INPP4B: variants seen among roughly 807,000 people sequenced by gnomAD.
The protein encoded by INPP4B is inositol polyphosphate 4-phosphatase type II.
INPP4B carries 55 observed loss-of-function variants against 122.5 expected under a neutral mutation model. The ratio of observed to expected loss-of-function variants is 0.45; its 90% CI spans 0.36 to 0.56. INPP4B has a LOEUF of 0.56. INPP4B is among the 20% of genes least tolerant of loss of function. The pLI, the probability that INPP4B is intolerant of heterozygous loss-of-function variation, is 0.00. For synonymous variants in INPP4B, 403 were observed against 388.7 expected (o/e 1.04, Z -0.43); for missense variants, 1,000 against 1,097.7 (o/e 0.91, Z 1.26).
chr4:142,493,119 C>T (rs566185524), intron 2 of INPP4B, among the ~76,000 whole-genome samples: 97 of 152,286 alleles, frequency 6.4e-4, no homozygotes, highest in African/African-American at 2.3e-3. Context: ...GGGTGTTGGA[C>T]CTGTGGGTGC....
chr4:142,806,786 GGAAAGAAAGAAAGAAA>G (rs60845921), intron 1 of INPP4B, among the ~76,000 whole-genome samples: 85 of 75,992 alleles, frequency 1.1e-3, no homozygotes, highest in Admixed American at 2.6e-3. Flanking sequence ...AAAGAAAGAA[GGAAAGAAAGAAAGAAA>G]GAAAGAAAGA....
intron 20 of INPP4B, 66 bp downstream of exon 20, chr4:142,123,199 TTTACTTATTTTTATGTTTTCTTGAAAA>T: frequency 1.9e-6 from 2 of 1,057,920 alleles, no homozygotes; most frequent in Non-Finnish European, 2.7e-6. Context: ...ACAATAAAGG[TTTACTTATTTTTATGTTTTCTTGAAAA>T]ATTTCTGGAT....
chr4:142,740,450 C>T (rs759436033), intron 1 of INPP4B, among the ~76,000 whole-genome samples: 3 of 151,894 alleles, frequency 2.0e-5, no homozygotes, highest in Non-Finnish European at 1.5e-5. Flanking sequence ...TTAAAAAGCA[C>T]TTTTGAATTT....
chr4:142,176,732 G>C (rs1452597488), intron 15 of INPP4B, among the ~76,000 whole-genome samples: 1 of 152,080 alleles, frequency 6.6e-6, no homozygotes, highest in Non-Finnish European at 1.5e-5. Flanking sequence ...TTCTGCTTTA[G>C]TATGCTGTAG....
intron 2 of INPP4B, among the ~76,000 whole-genome samples, chr4:142,471,177 C>T (rs1321564571): frequency 6.6e-6 from 1 of 152,062 alleles, no homozygotes; most frequent in African/African-American, 2.4e-5. Context: ...GGGAAAATGA[C>T]AATACTGGCT....
intron 2 of INPP4B, among the ~76,000 whole-genome samples, chr4:142,551,200 C>T (rs909860985): frequency 3.3e-5 from 5 of 152,304 alleles, no homozygotes; most frequent in South Asian, 2.1e-4. Flanking sequence ...CCTTGGACGA[C>T]GCCCTTGTCC....
intron 1 of INPP4B, among the ~76,000 whole-genome samples, chr4:142,803,186 A>G (rs1561086307): frequency 3.6e-5 from 5 of 139,558 alleles, no homozygotes; most frequent in Non-Finnish European, 4.6e-5. Flanking sequence ...AAAAAAAAAA[A>G]GAAAGAAAGA....
chr4:142,756,256 G>A (rs1299345246), intron 1 of INPP4B, among the ~76,000 whole-genome samples: 1 of 152,056 alleles, frequency 6.6e-6, no homozygotes. Context: ...AGCCTGAAAG[G>A]AATTGCTGAA....
At chr4:142,218,734 G>A (rs1848288477) in intron 12 of INPP4B, among the ~76,000 whole-genome samples, 1 of 151,956 alleles carries the variant, frequency 6.6e-6, no homozygotes, top group Admixed American at 6.6e-5. Context: ...GGTATGCATG[G>A]GTAGAAAGTT....
Position 142,082,126 on chromosome 4 carries a change from T to C in INPP4B, c.2547A>G (p.Thr849=), listed in dbSNP as rs776628568. The C allele has an allele frequency of 4.5e-6, 7 of 1,542,540 alleles. No individual in the cohort carries two copies. Among genetic ancestry groups the C allele is most frequent in the Non-Finnish European group, 6.2e-6 (7 of 1,127,574 alleles). ...FTCCKSAKDR[T]SMSVTLEQCS... is the part of the protein sequence containing the mutation. ...ATTGTTCAAGTGTCACTGACATCGA[T>C]GTCCTGTCTTTGGCACTTTTACAAC... Residue 849 remains threonine (T), a synonymous_variant, in exon 25 of 26, where the codon ACA becomes ACG. Transcript: ENST00000262992.
At chr4:142,675,069 G>C (rs188314809) in intron 2 of INPP4B, among the ~76,000 whole-genome samples, 351 of 152,114 alleles carry the variant, frequency 2.3e-3, no homozygotes, top group African/African-American at 7.8e-3. Context: ...AATCCAGGAG[G>C]TGGTTTTTTG....
chr4:142,413,095 C>A (rs777099585), intron 5 of INPP4B, among the ~76,000 whole-genome samples: 15 of 152,100 alleles, frequency 9.9e-5, no homozygotes, highest in Non-Finnish European at 2.1e-4. Context: ...TCGCTGCCAA[C>A]ATAAGAGATA....
intron 14 of INPP4B, among the ~76,000 whole-genome samples, chr4:142,198,437 T>C (rs1839281867): frequency 6.6e-6 from 1 of 151,972 alleles, no homozygotes; most frequent in South Asian, 2.1e-4. Context: ...TCTATTCTTG[T>C]TATAGTTTTC....
At chr4:142,064,653 T>C in intron 25 of INPP4B, among the ~76,000 whole-genome samples, 1 of 152,164 alleles carries the variant, frequency 6.6e-6, no homozygotes, top group East Asian at 1.9e-4. Flanking sequence ...TAATATATCT[T>C]GACAGCTCTA....
intron 15 of INPP4B, among the ~76,000 whole-genome samples, chr4:142,182,821 T>C (rs1248383352): frequency 6.6e-6 from 1 of 152,144 alleles, no homozygotes; most frequent in East Asian, 1.9e-4. Context: ...TTCTGTTAGA[T>C]ATTTCCTTAA....
intron 2 of INPP4B, among the ~76,000 whole-genome samples, chr4:142,493,928 A>T (rs773545996): frequency 1.3e-5 from 2 of 152,172 alleles, no homozygotes; most frequent in Non-Finnish European, 2.9e-5. Flanking sequence ...TAGTTCCCAC[A>T]ATCCCCATGT....
intron 15 of INPP4B, among the ~76,000 whole-genome samples, chr4:142,188,225 T>C (rs550842622): frequency 2.3e-3 from 347 of 151,994 alleles, no homozygotes; most frequent in Non-Finnish European, 4.2e-3. Context: ...CATTGGCTCA[T>C]GCCTGTAATC....
At chr4:142,743,728 T>C (rs923631348) in intron 1 of INPP4B, among the ~76,000 whole-genome samples, 1 of 151,828 alleles carries the variant, frequency 6.6e-6, no homozygotes, top group African/African-American at 2.4e-5. Flanking sequence ...TAAAGCTAAA[T>C]CTTGACAAGA....
chr4:142,074,984 C>T (rs960741936), intron 25 of INPP4B, among the ~76,000 whole-genome samples: 21 of 151,916 alleles, frequency 1.4e-4, no homozygotes, highest in Non-Finnish European at 2.9e-4. Flanking sequence ...TTCTTTTTAT[C>T]CTCTGAGCCA....
Sources: gnomAD v4.1 joint callset for allele counts (sites outside exome capture counted in the v4.1 genomes callset) on GRCh38, gnomAD v4.1.1 for gene constraint, MANE v1.5 for transcripts, NCBI Gene and HGNC (gene_info 2026-07-23, HGNC 2026-07-21) for gene names.